SPIRE2: variants seen among roughly 807,000 people sequenced by gnomAD.
The protein encoded by SPIRE2 is protein spire homolog 2.
In SPIRE2, 76 loss-of-function variants were observed where a neutral mutation model predicts 80.7. The observed-to-expected ratio is 0.94, with a 90% CI of 0.78 to 1.14. The LOEUF (loss-of-function observed/expected upper bound fraction) is 1.14. Among genes scored for constraint, SPIRE2 ranks in the 50% most tolerant of loss-of-function variants. The pLI is 0.00. For missense variants in SPIRE2, 1,196 were observed against 1,015.3 expected, an observed-to-expected ratio of 1.18 and a Z score of -2.42; for synonymous variants, 535 against 432.6, an observed-to-expected ratio of 1.24 and a Z score of -2.94.
intron 5 of SPIRE2, among the ~76,000 whole-genome samples, chr16:89,855,042 G>A (rs550691087): frequency 1.4e-4 from 22 of 152,148 alleles, no homozygotes; most frequent in African/African-American, 4.8e-4. Flanking sequence ...GGGTTCAAGC[G>A]ATTCTCCTGC....
Position 89,860,737 on chromosome 16 carries a change from G to C in SPIRE2, c.1517G>C (p.Gly506Ala), listed in dbSNP as rs774307804. ...DPSHPLLSNR[G>A]SSGDRPEASM... ...AGCCACCCCCTACTCAGCAACCGGG[G>C]CTCCTCGGGGGACAGACCCGAGGCC... The change falls in exon 10 of 15, where the codon GGC (glycine) becomes GCC (alanine). Residue 506 changes from glycine to alanine, a missense_variant. Transcript: ENST00000378247. 3 of 1,587,158 alleles carry C rather than the reference G, an allele frequency of 1.9e-6. No homozygotes were observed. Among genetic ancestry groups the C allele is most frequent in the Non-Finnish European group, 2.6e-6 (3 of 1,167,580 alleles).
chr16:89,853,456 G>T (rs987948629), intron 3 of SPIRE2, among the ~76,000 whole-genome samples: 1 of 152,192 alleles, frequency 6.6e-6, no homozygotes, highest in African/African-American at 2.4e-5. Context: ...GGCCTGCTCA[G>T]GAACAGGTAC....
intron 1 of SPIRE2, among the ~76,000 whole-genome samples, chr16:89,837,335 G>A (rs888682802): frequency 6.6e-6 from 1 of 152,184 alleles, no homozygotes; most frequent in Non-Finnish European, 1.5e-5. Flanking sequence ...CAGCCCTGGA[G>A]CCAAGGCTAG....
chr16:89,840,245 CTTTTTTT>C (rs778083127), intron 1 of SPIRE2, among the ~76,000 whole-genome samples: 3 of 133,272 alleles, frequency 2.3e-5, no homozygotes, highest in Non-Finnish European at 3.2e-5. Flanking sequence ...AACCTGTCAT[CTTTTTTT>C]TTTTTTTTTT....
chr16:89,832,128 G>A (rs2041391019), intron 1 of SPIRE2, among the ~76,000 whole-genome samples: 3 of 152,384 alleles, frequency 2.0e-5, no homozygotes, highest in South Asian at 2.1e-4. Context: ...AGGCAAGAGA[G>A]GGGCTCTGGG....
chr16:89,859,127 G>C, intron 8 of SPIRE2, 38 bp from the exon 9 acceptor site: 1 of 1,491,312 alleles, frequency 6.7e-7, no homozygotes, highest in Non-Finnish European at 9.0e-7. Flanking sequence ...GCACTGGCGG[G>C]CATTGTCAGG....
chr16:89,868,039 G>C, intron 12 of SPIRE2, 150 bp from the exon 13 acceptor site: 1 of 837,006 alleles, frequency 1.2e-6, no homozygotes, highest in South Asian at 1.4e-5. Context: ...GCAAGATTTT[G>C]GAGTAAAATA....
intron 1 of SPIRE2, among the ~76,000 whole-genome samples, chr16:89,829,626 A>T (rs961687281): frequency 6.6e-6 from 1 of 152,182 alleles, no homozygotes; most frequent in African/African-American, 2.4e-5. Context: ...GGCCAGACAG[A>T]AGCAAGCTAC....
At position 89,859,368 on chromosome 16, in the gene SPIRE2, C is replaced by T. The variant is rs2041722116; in HGVS notation, c.1462+14C>T. On this transcript the variant is annotated intron_variant, in intron 9 of 14. Transcript: ENST00000378247. ...CCCGAGACCAGGGCAAGTGCTGCTTCTCACCCCCGTACCCTCCTTCGCCCC... is the reference window on the plus strand; with the variant it reads ...CCCGAGACCAGGGCAAGTGCTGCTTTTCACCCCCGTACCCTCCTTCGCCCC... 4 of 1,524,302 alleles carry T rather than the reference C, an allele frequency of 2.6e-6. No homozygotes were observed. Among genetic ancestry groups the T allele is most frequent in the Non-Finnish European group, 8.8e-7 (1 of 1,137,520 alleles). The allele number at this position is 1,524,302 out of a possible 1,614,324, so 94.4% of individuals were successfully genotyped here.
At chr16:89,849,191 G>A (rs955103869) in intron 2 of SPIRE2, among the ~76,000 whole-genome samples, 5 of 152,246 alleles carry the variant, frequency 3.3e-5, no homozygotes, top group East Asian at 1.9e-4. Flanking sequence ...GAGGCAAAGC[G>A]GCCCCAGGAA....
At position 89,863,418 on chromosome 16, in the gene SPIRE2, A is replaced by C. The variant is rs2041761126; in HGVS notation, c.1576-58A>C. ...GGAGGGTTAGGGTCCTCAGGGAAGG[A>C]GAGTAAGCTAGGGGAGCCTCCTGCA... On this transcript the variant is annotated intron_variant, in intron 10 of 14. Transcript: ENST00000378247. The surrounding 1 kb of genome is among the most constrained non-coding windows in gnomAD (Gnocchi z 4.3). The C allele has an allele frequency of 1.2e-6, 2 of 1,602,362 alleles. No homozygotes were observed. The highest frequency in any genetic ancestry group is 3.4e-5 in the Admixed American group (2 of 59,066).
At chr16:89,854,387 A>C in intron 4 of SPIRE2, 21 bp downstream of exon 4, 1 of 1,611,564 alleles carries the variant, frequency 6.2e-7, no homozygotes, top group Non-Finnish European at 8.5e-7. Flanking sequence ...CTCCCACCTG[A>C]CCGGGCCACT....
intron 3 of SPIRE2, among the ~76,000 whole-genome samples, chr16:89,851,278 C>A (rs1469774190): frequency 6.6e-6 from 1 of 152,220 alleles, no homozygotes; most frequent in Non-Finnish European, 1.5e-5. Flanking sequence ...CCTGCCTCCC[C>A]ACCAGCCTCT....
Position 89,863,901 on chromosome 16 carries a change from G to A in SPIRE2, c.1778+40G>A, listed in dbSNP as rs557346368. ...TAGCTGTCAGTTCACAAGGGAAGGAGGAGGCGAGAAACCTCGGGGCAGTAC... is the reference window on the plus strand; with the variant it reads ...TAGCTGTCAGTTCACAAGGGAAGGAAGAGGCGAGAAACCTCGGGGCAGTAC... On this transcript the variant is annotated intron_variant, in intron 12 of 14. Coordinates refer to ENST00000378247, the MANE Select transcript of SPIRE2 (RefSeq NM_032451.2). This position sits in a 1 kb window ranked among gnomAD's most constrained non-coding sequence, Gnocchi z 4.3. The A allele has an allele frequency of 2.6e-6, 4 of 1,553,292 alleles. No individual in the cohort carries two copies. The South Asian group carries it at 3.4e-5, about 13-fold the overall frequency.
chr16:89,860,703 T>G lies in SPIRE2; in HGVS notation c.1483T>G (p.Ser495Ala), dbSNP rs1237704561. 6.3e-7 allele frequency: 1 copy of G among 1,592,916 alleles called. No individual in the cohort carries two copies. The highest frequency in any genetic ancestry group is 8.5e-7 in the Non-Finnish European group (1 of 1,170,286). The change falls in exon 10 of 15, where the codon TCT becomes GCT. Residue 495 changes from serine (S) to alanine (A), a missense_variant. Transcript: ENST00000378247. ...CCCAGGTACCTGTCCCGCGAGTGTC[T>G]CTGACCCCAGCCACCCCCTACTCAG... ...RDQGTCPASV[S>A]DPSHPLLSNR... is the part of the protein sequence containing the mutation.
At chr16:89,860,549 C>G (rs902877688) in intron 9 of SPIRE2, 134 bp from the exon 10 acceptor site, 1 of 628,106 alleles carries the variant, frequency 1.6e-6, no homozygotes, top group Non-Finnish European at 2.8e-6. Flanking sequence ...GTAGCTACTG[C>G]CCGGCCGCTT....
intron 12 of SPIRE2, among the ~76,000 whole-genome samples, chr16:89,864,539 A>G (rs1195251923): frequency 1.3e-5 from 2 of 152,208 alleles, no homozygotes; most frequent in African/African-American, 4.8e-5. Context: ...GGCCCTTTAC[A>G]CAAAAAATTT....
intron 10 of SPIRE2, chr16:89,862,118 C>T (rs1370877888): frequency 1.3e-5 from 2 of 152,116 alleles, no homozygotes; most frequent in African/African-American, 4.8e-5. Flanking sequence ...ATTCTCCTGC[C>T]TCAGCCTCCC....
chr16:89,845,444 T>A lies in SPIRE2; in HGVS notation c.288+79T>A. 3 of 1,291,122 alleles carry A rather than the reference T, an allele frequency of 2.3e-6. No individual in the cohort carries two copies. The Admixed American group carries it at 5.1e-5, about 22-fold the overall frequency. The allele number at this position is 1,291,122 out of a possible 1,614,324, so 80.0% of individuals were successfully genotyped here. ...ATCTTAAAATGTAAATCATAAAACA[T>A]ATATAGTTACACAGTTGTTTCAGGG... On this transcript the variant is annotated intron_variant, in intron 2 of 14. Transcript: ENST00000378247.
Sources: gnomAD v4.1 joint callset for allele counts (sites outside exome capture counted in the v4.1 genomes callset) on GRCh38, gnomAD v4.1.1 for gene constraint, Gnocchi (gnomAD v3.1) non-coding constraint, MANE v1.5 for transcripts, NCBI Gene and HGNC (gene_info 2026-07-23, HGNC 2026-07-21) for gene names.